STOML1: variants seen among roughly 807,000 people sequenced by gnomAD.
STOML1 encodes stomatin-like protein 1.
A neutral mutation model predicts 35.7 loss-of-function variants in STOML1; 27 were observed. The ratio of observed to expected loss-of-function variants is 0.76; its 90% CI spans 0.56 to 1.04. The LOEUF (loss-of-function observed/expected upper bound fraction) is 1.04, where lower values mean the gene tolerates loss of function less well. Among genes scored for constraint, STOML1 ranks in the 50% least tolerant of loss-of-function variants. The pLI is 0.00. For missense variants in STOML1, 451 were observed against 527.1 expected, an observed-to-expected ratio of 0.86 and a Z score of 1.41; for synonymous variants, 219 against 227.9, an observed-to-expected ratio of 0.96 and a Z score of 0.35.
rs1336175630 is a variant in STOML1, at chr15:73,981,860, G to C, written c.*2077C>G. 6.6e-6 allele frequency: 1 copy of C among 152,652 alleles called. No individual in the cohort carries two copies. Among genetic ancestry groups the C allele is most frequent in the African/African-American group, 2.4e-5 (1 of 41,458 alleles). The allele number at this position is 152,652 out of a possible 1,614,324, so 9.5% of individuals were successfully genotyped here. ...AGTCCTGGAGTGCTGGCCAAGGATC[G>C]AGCTCCCCTCCACAGGGTGGGGATT... On this transcript the variant is annotated 3_prime_UTR_variant, in exon 7 of 7. Transcript: ENST00000541638.
Position 73,988,441 on chromosome 15 carries a change from G to C in STOML1, c.594+158C>G. ...GCCCACCTGCCATTCCTCAACTCAT[G>C]GCCCCACCCAGGCACTGGCTCTTCA... On this transcript the variant is annotated intron_variant, in intron 4 of 6. Coordinates refer to ENST00000541638, the MANE Select transcript of STOML1 (RefSeq NM_004809.5). This position sits in a 1 kb window ranked among gnomAD's most constrained non-coding sequence, Gnocchi z 4.8. 2.4e-6 allele frequency: 2 copies of C among 849,874 alleles called. No homozygotes were observed. The highest frequency in any genetic ancestry group is 3.6e-5 in the South Asian group (2 of 55,836). 52.6% of individuals were successfully genotyped at this position (849,874 alleles called of 1,614,324 possible). A position where few individuals can be genotyped will look rare whatever the true frequency, so the allele number is the denominator to read the frequency against.
In STOML1 at chr15:73,989,548, C is replaced by T. The variant is rs184126274; in HGVS notation, c.241-291G>A. 1.1e-4 allele frequency among the ~76,000 whole-genome samples: 16 copies of T among 152,312 alleles called. No individual in the cohort carries two copies. The East Asian group carries it at 3.1e-3, about 29-fold the overall frequency. On this transcript the variant is annotated intron_variant, in intron 2 of 6. Coordinates refer to ENST00000541638, the MANE Select transcript of STOML1 (RefSeq NM_004809.5). ...CTTGATCCTTAGAGAAACTTTTCAT[C>T]TCTGTGGTCTGAAGTTAGACATGAC...
intron 5 of STOML1, 122 bp downstream of exon 5, chr15:73,985,196 G>C: frequency 8.2e-7 from 1 of 1,226,000 alleles, no homozygotes; most frequent in Non-Finnish European, 1.1e-6. Context: ...CTTGGCTGTG[G>C]TCAGTGTGGG....
upstream of STOML1, chr15:73,994,492 G>A: frequency 2.2e-6 from 1 of 451,390 alleles, no homozygotes; most frequent in Non-Finnish European, 4.1e-6. Context: ...CGGATGAATG[G>A]ATCAAAGCCG....
chr15:73,985,608 GGC>G, intron 4 of STOML1, 95 bp from the exon 5 acceptor site: 1 of 1,398,922 alleles, frequency 7.1e-7, no homozygotes, highest in Non-Finnish European at 9.6e-7. Flanking sequence ...TGGACATGGA[GGC>G]ACCACACCGC....
intron 1 of STOML1, chr15:73,990,868 T>G: frequency 4.6e-6 from 7 of 1,535,628 alleles, no homozygotes; most frequent in Non-Finnish European, 6.1e-6. Context: ...TGAATACTGC[T>G]GGCAAAACAC....
At position 73,984,003 on chromosome 15, in the gene STOML1, C is replaced by A. The variant is rs924441562; in HGVS notation, c.1131G>T (p.Arg377=). ...TAGCCAGGTCGCCCTTCACCTTCAGCCGTCCACTCATGTAGGCCCCCAGGG... is the reference window on the plus strand; with the variant it reads ...TAGCCAGGTCGCCCTTCACCTTCAGACGTCCACTCATGTAGGCCCCCAGGG... ...LRPLGAYMSG[R]LKVKGDLAMA... is the part of the protein sequence containing the mutation. Residue 377 remains arginine, a synonymous_variant, in exon 7 of 7, where the codon CGG becomes CGT. Transcript: ENST00000541638. The A allele has an allele frequency of 2.5e-6, 4 of 1,614,054 alleles. No individual in the cohort carries two copies. The highest frequency in any genetic ancestry group is 3.4e-6 in the Non-Finnish European group (4 of 1,180,026).
At position 73,988,512 on chromosome 15, in the gene STOML1, T is replaced by C; in HGVS notation, c.594+87A>G. 6.7e-7 allele frequency: 1 copy of C among 1,485,478 alleles called. No individual in the cohort carries two copies. The highest frequency in any genetic ancestry group is 1.2e-5 in the South Asian group (1 of 80,748). 92.0% of individuals were successfully genotyped at this position (1,485,478 alleles called of 1,614,324 possible). ...ACATATGGTAAACTGAGGCCCAGAGTGGTCTGACTCTTTTCTCAAAGTGAC... is the reference window on the plus strand; with the variant it reads ...ACATATGGTAAACTGAGGCCCAGAGCGGTCTGACTCTTTTCTCAAAGTGAC... On this transcript the variant is annotated intron_variant, in intron 4 of 6. Transcript: ENST00000541638. This position sits in a 1 kb window ranked among gnomAD's most constrained non-coding sequence, Gnocchi z 4.8.
rs2069032456 is a variant in STOML1 at position 73,984,714 on chromosome 15, G to C, written c.948C>G (p.Phe316Leu). Residue 316 changes from phenylalanine to leucine, a missense_variant, in exon 6 of 7, where the codon TTC becomes TTG. Physicochemically the swap from Phe to Leu is conservative, Grantham distance 22 (BLOSUM62 0). Transcript: ENST00000541638. The stretch of plus-strand genomic sequence containing the variant: ...GGGTGCCGCTGGGCAGGACGACATT[G>C]AACTGGTAGCAGGCCCCGACTTGGC... ...LVSQVGACYQ[F>L]NVVLPSGTQS... The C allele has an allele frequency of 6.2e-7, 1 of 1,614,124 alleles. No individual in the cohort carries two copies. The highest frequency in any genetic ancestry group is 1.3e-5 in the African/African-American group (1 of 75,068).
chr15:73,983,906 G>C lies in STOML1; in HGVS notation c.*31C>G. 13 of 1,596,904 alleles carry C rather than the reference G, an allele frequency of 8.1e-6. No individual in the cohort carries two copies. The highest frequency in any genetic ancestry group is 1.1e-5 in the Non-Finnish European group (13 of 1,168,968). ...CCCCTCAGGCTTGGTGCCAGGCTTG[G>C]GACTGGGCTCTGGAAAGTCAGCCAA... On this transcript the variant is annotated 3_prime_UTR_variant, in exon 7 of 7. Coordinates refer to ENST00000541638, the MANE Select transcript of STOML1 (RefSeq NM_004809.5).
rs575549380 is a variant in STOML1, at chr15:73,985,553, A to G, written c.595-40T>C. The G allele has an allele frequency of 2.0e-6, 3 of 1,528,814 alleles. No homozygotes were observed. The East Asian group carries it at 7.6e-5, about 39-fold the overall frequency. The allele number at this position is 1,528,814 out of a possible 1,614,324, so 94.7% of individuals were successfully genotyped here. A position where few individuals can be genotyped will look rare whatever the true frequency, so the allele number is the denominator to read the frequency against. On this transcript the variant is annotated intron_variant, in intron 4 of 6. Coordinates refer to ENST00000541638, the MANE Select transcript of STOML1 (RefSeq NM_004809.5). ...GAGGAGAAATGTAATTAATTCAACA[A>G]ACCTTTCCTGAGCACCTTCTTTGGG...
chr15:73,979,718 G>GAAACC lies in STOML1; in HGVS notation c.*4214_*4218dup, dbSNP rs1038058310. The GAAACC allele has an allele frequency of 6.6e-6, 1 of 152,168 alleles. No individual in the cohort carries two copies. The allele number at this position is 152,168 out of a possible 1,614,324, so 9.4% of individuals were successfully genotyped here. On this transcript the variant is annotated 3_prime_UTR_variant, in exon 7 of 7. Coordinates refer to ENST00000541638, the MANE Select transcript of STOML1 (RefSeq NM_004809.5). ...AAAATATGTAAATGCTAGGGGAAGA[G>GAAACC]AAACCAAACCAAACCAAACCCTGTT...
chr15:73,991,051 A>AATGCATAAAATG, intron 1 of STOML1: 1 of 1,344,584 alleles, frequency 7.4e-7, no homozygotes, highest in Non-Finnish European at 9.5e-7. Context: ...TGACCATTAA[A>AATGCATAAAATG]AAATGCCTAT....
At chr15:73,986,362 T>TA (rs2069101941) in intron 4 of STOML1, 1 of 151,522 alleles carries the variant, frequency 6.6e-6, no homozygotes, top group Admixed American at 6.6e-5. Flanking sequence ...TTTTTTTTTT[T>TA]ACTACTGTAA....
chr15:73,987,499 C>A (rs2069135338), intron 4 of STOML1: 1 of 152,194 alleles, frequency 6.6e-6, no homozygotes, highest in Non-Finnish European at 1.5e-5. Context: ...GATCAGTTTT[C>A]TCTTCCTAAA....
rs143464424 is a variant in STOML1, at chr15:73,989,215, G to T, written c.283C>A (p.Arg95=). ...YERMIVFRLG[R]IRTPQGPGMV... ...CCAGGTCCCTGGGGGGTGCGGATCC[G>T]GCCCAGGCGGAACACAATCATCCGC... The change falls in exon 3 of 7, where the codon CGG becomes AGG. Residue 95 remains arginine (R), a synonymous_variant. Transcript: ENST00000541638. 1.2e-6 allele frequency: 2 copies of T among 1,610,076 alleles called. No individual in the cohort carries two copies. The highest frequency in any genetic ancestry group is 1.7e-6 in the Non-Finnish European group (2 of 1,177,882).
upstream of STOML1, among the ~76,000 whole-genome samples, chr15:73,993,674 C>T (rs2069352309): frequency 6.6e-6 from 1 of 152,150 alleles, no homozygotes; most frequent in Non-Finnish European, 1.5e-5. Flanking sequence ...TAAGTTGGAA[C>T]AGAGTACGGA....
upstream of STOML1, among the ~76,000 whole-genome samples, chr15:73,994,039 T>C (rs997481447): frequency 2.6e-5 from 4 of 152,124 alleles, no homozygotes; most frequent in African/African-American, 9.7e-5. Flanking sequence ...TGCTCCTAGG[T>C]TGTCAGAGTG....
intron 1 of STOML1, 97 bp from the exon 2 acceptor site, chr15:73,990,554 A>G: frequency 8.7e-7 from 1 of 1,143,550 alleles, no homozygotes; most frequent in Non-Finnish European, 1.3e-6. Context: ...CTTCCCCTCG[A>G]GAGGCTCCTT....
Sources: allele counts gnomAD v4.1 joint callset (sites outside exome capture counted in the v4.1 genomes callset), GRCh38; gene constraint gnomAD v4.1.1; non-coding constraint Gnocchi (gnomAD v3.1); transcripts MANE v1.5; gene names NCBI Gene and HGNC (gene_info 2026-07-23, HGNC 2026-07-21).